CAPS2: variants seen among roughly 807,000 people sequenced by gnomAD.
CAPS2 encodes the protein calcyphosine 2.
In CAPS2, 98 loss-of-function variants were observed where a neutral mutation model predicts 86.5. That is an observed-to-expected ratio of 1.13 (90% confidence interval 0.96 to 1.34). CAPS2 has a LOEUF of 1.34. Among genes scored for constraint, CAPS2 ranks in the 40% most tolerant of loss-of-function variants. CAPS2 has a pLI of 0.00. For missense variants in CAPS2, 729 were observed against 686.8 expected (o/e 1.06, Z -0.69); for synonymous variants, 210 against 225.1 (o/e 0.93, Z 0.60).
intron 1 of CAPS2, among the ~76,000 whole-genome samples, chr12:75,386,266 G>T (rs1457030663): frequency 6.6e-6 from 1 of 152,092 alleles, no homozygotes; most frequent in African/African-American, 2.4e-5. Context: ...TTACTATAAG[G>T]GTACGTGTCT....
exon 4 of CAPS2, chr12:75,323,066 G>C: frequency 6.5e-7 from 1 of 1,549,044 alleles, no homozygotes; most frequent in Non-Finnish European, 8.7e-7. Context: ...GCTGTACTAA[G>C]TGGAATATAT....
At chr12:75,330,272 C>A (rs1309851335), upstream of CAPS2, among the ~76,000 whole-genome samples, 1 of 152,190 alleles carries the variant, frequency 6.6e-6, no homozygotes, top group African/African-American at 2.4e-5. Flanking sequence ...GGCTGGAAAA[C>A]CCAAAGGGGT....
At chr12:75,312,698 TA>T (rs999182483) in intron 7 of CAPS2, 149 bp downstream of exon 7, 3 of 511,668 alleles carry the variant, frequency 5.9e-6, no homozygotes, top group African/African-American at 5.8e-5. Flanking sequence ...AAAAAATGAC[TA>T]AAACACTAAC....
At chr12:75,377,634 T>C (rs1264444750) in intron 1 of CAPS2, among the ~76,000 whole-genome samples, 1 of 152,126 alleles carries the variant, frequency 6.6e-6, no homozygotes, top group Non-Finnish European at 1.5e-5. Flanking sequence ...ACAAGTCGGC[T>C]CATTCCACCT....
intron 1 of CAPS2, chr12:75,366,865 T>C: frequency 1.4e-6 from 1 of 701,306 alleles, no homozygotes; most frequent in South Asian, 1.5e-5. Flanking sequence ...ATGAGTCTTT[T>C]AAAACTAATT....
At chr12:75,283,152 C>G (rs916217095) in intron 15 of CAPS2, among the ~76,000 whole-genome samples, 2 of 152,148 alleles carry the variant, frequency 1.3e-5, no homozygotes, top group African/African-American at 4.8e-5. Flanking sequence ...ATTTAATACA[C>G]TTTTTAAAAT....
upstream of CAPS2, among the ~76,000 whole-genome samples, chr12:75,331,810 C>G (rs12368414): frequency 0.37 from 56,225 of 151,760 alleles, 10,861 homozygotes; most frequent in East Asian, 0.5. Flanking sequence ...TGATCCGCCC[C>G]CCTCGGCCTC....
chr12:75,322,731 C>A (rs2040418244), intron 4 of CAPS2, among the ~76,000 whole-genome samples: 1 of 152,048 alleles, frequency 6.6e-6, no homozygotes, highest in South Asian at 2.1e-4. Context: ...TAAGAGCTTG[C>A]CATATTTTTA....
In CAPS2 at chr12:75,362,842, A is replaced by T. The variant is rs952551803; in HGVS notation, c.-395+27996T>A. 7.9e-5 allele frequency among the ~76,000 whole-genome samples: 12 copies of T among 152,208 alleles called. 1 individual carries two copies. Among genetic ancestry groups the T allele is most frequent in the Admixed American group, 5.9e-4 (9 of 15,278 alleles). ...ATGACAAAAACTTTGCAACTATCAC[A>T]TGCATAATTACACTGGGTTCACATC... On this transcript the variant is annotated intron_variant, in intron 1 of 5. Coordinates refer to the CAPS2 transcript ENST00000551829.
chr12:75,338,396 T>C (rs985694951), intron 1 of CAPS2, among the ~76,000 whole-genome samples: 2 of 152,162 alleles, frequency 1.3e-5, no homozygotes, highest in African/African-American at 2.4e-5. Context: ...GGGAATTTAA[T>C]TGCTGTTTAC....
chr12:75,299,068 T>C lies in CAPS2; in HGVS notation c.855-102A>G, dbSNP rs545054507. On this transcript the variant is annotated intron_variant, in intron 9 of 16. Transcript: ENST00000393284. Reference sequence around the variant, plus strand: ...TCAAGAAGGATAGCTAACTCTCTTATGTATGTGGCAATGAGTGAAGGTTAT... The same window carrying C: ...TCAAGAAGGATAGCTAACTCTCTTACGTATGTGGCAATGAGTGAAGGTTAT... The C allele has an allele frequency of 2.6e-4, 187 of 722,572 alleles. No individual in the cohort carries two copies. The African/African-American group carries it at 3.0e-3, about 12-fold the overall frequency. 44.8% of individuals were successfully genotyped at this position (722,572 alleles called of 1,614,324 possible). A position where few individuals can be genotyped will look rare whatever the true frequency, so the allele number is the denominator to read the frequency against.
At chr12:75,349,421 G>A (rs1431722977) in intron 1 of CAPS2, among the ~76,000 whole-genome samples, 7 of 152,020 alleles carry the variant, frequency 4.6e-5, no homozygotes, top group Admixed American at 4.6e-4. Context: ...ACAATACCCA[G>A]CACCTAACAC....
chr12:75,363,574 A>T (rs2043762748), intron 1 of CAPS2, among the ~76,000 whole-genome samples: 1 of 152,206 alleles, frequency 6.6e-6, no homozygotes, highest in Non-Finnish European at 1.5e-5. Flanking sequence ...ATTATGATTT[A>T]AAACTAACAT....
intron 1 of CAPS2, among the ~76,000 whole-genome samples, chr12:75,388,950 T>C (rs546114682): frequency 1.8e-4 from 28 of 152,316 alleles, no homozygotes; most frequent in South Asian, 6.2e-4. Flanking sequence ...AAAACTGCTA[T>C]TAAAAAAGAG....
chr12:75,380,420 T>C (rs940523833), intron 1 of CAPS2, among the ~76,000 whole-genome samples: 1 of 152,160 alleles, frequency 6.6e-6, no homozygotes, highest in African/African-American at 2.4e-5. Context: ...CTTGCCAATG[T>C]CCTCCAGACT....
exon 8 of CAPS2, chr12:75,304,818 TATG>T: frequency 1.9e-6 from 3 of 1,611,436 alleles, no homozygotes; most frequent in Non-Finnish European, 8.5e-7. Flanking sequence ...TCTGGAAGGA[TATG>T]ATCACTTTCT....
intron 1 of CAPS2, among the ~76,000 whole-genome samples, chr12:75,340,714 A>T (rs1288248996): frequency 6.6e-6 from 1 of 151,732 alleles, no homozygotes; most frequent in Non-Finnish European, 1.5e-5. Flanking sequence ...TAGAGAAAGA[A>T]GTCTCAAAAC....
intron 1 of CAPS2, among the ~76,000 whole-genome samples, chr12:75,372,837 G>T (rs575873711): frequency 5.3e-5 from 8 of 152,318 alleles, no homozygotes; most frequent in Admixed American, 2.6e-4. Flanking sequence ...CACTTCTTTA[G>T]CCACAAAGTG....
At chr12:75,371,334 G>A (rs181727871) in intron 1 of CAPS2, 51 of 172,692 alleles carry the variant, frequency 3.0e-4, no homozygotes, top group African/African-American at 1.1e-3. Context: ...TCAGCAAGTC[G>A]GCTCTTCCAT....
Sources: allele counts gnomAD v4.1 joint callset (sites outside exome capture counted in the v4.1 genomes callset), GRCh38; gene constraint gnomAD v4.1.1; transcripts MANE v1.5; gene names NCBI Gene and HGNC (gene_info 2026-07-23, HGNC 2026-07-21).